HIPK3: variants seen among roughly 807,000 people sequenced by gnomAD.
The protein encoded by HIPK3 is homeodomain interacting protein kinase 3.
In HIPK3, 47 loss-of-function variants were observed where a neutral mutation model predicts 124.2. That is an observed-to-expected ratio of 0.38 (90% CI 0.30 to 0.48). The LOEUF is 0.48. HIPK3 is among the 20% of genes least tolerant of loss of function. HIPK3 has a pLI of 0.98. For missense variants in HIPK3, 1,286 were observed against 1,454.3 expected (o/e 0.88, Z 1.88); for synonymous variants, 482 against 515.2 (o/e 0.94, Z 0.87).
At chr11:33,288,614 C>T (rs1158180670) in intron 2 of HIPK3, among the ~76,000 whole-genome samples, 1 of 151,928 alleles carries the variant, frequency 6.6e-6, no homozygotes, top group Non-Finnish European at 1.5e-5. Flanking sequence ...AAAATAATGC[C>T]CATGTAAGTA....
At chr11:33,265,404 T>G (rs371512214) in intron 1 of HIPK3, among the ~76,000 whole-genome samples, 10 of 152,356 alleles carry the variant, frequency 6.6e-5, no homozygotes, top group Middle Eastern at 3.4e-3. Flanking sequence ...TTTTTGTAGC[T>G]GATCACAGAC....
At chr11:33,322,505 A>G (rs1271350903) in intron 2 of HIPK3, among the ~76,000 whole-genome samples, 1 of 152,218 alleles carries the variant, frequency 6.6e-6, no homozygotes. Flanking sequence ...GCACTGGACA[A>G]AGTAGGAAGA....
In HIPK3 at chr11:33,341,660, T is replaced by G; in HGVS notation, c.1871T>G (p.Leu624Trp). The G allele has an allele frequency of 6.2e-7, 1 of 1,613,436 alleles. No homozygotes were observed. Among genetic ancestry groups the G allele is most frequent in the Non-Finnish European group, 8.5e-7 (1 of 1,179,596 alleles). Residue 624 changes from leucine (L) to tryptophan (W), a missense_variant, in exon 8 of 17, where the codon TTG becomes TGG. Leu to Trp is a moderately conservative substitution (Grantham distance 61). Around this residue, in one of 3 missense-constraint regions of HIPK3, gnomAD observed 810 missense variants for 864.9 expected, o/e 0.94. Transcript: ENST00000303296. ...TGTGGTGATGCTTTTCAGCAGACAT[T>G]GATTATCTGTCCCCCAGCTATTCAA... ...FGCGDAFQQT[L>W]IICPPAIQGI... is the part of the protein sequence containing the mutation.
intron 1 of HIPK3, among the ~76,000 whole-genome samples, chr11:33,279,324 C>CAAAAAAAA (rs869091127): frequency 2.6e-5 from 2 of 77,528 alleles, no homozygotes; most frequent in South Asian, 4.8e-4. Context: ...CTCTTTGTCT[C>CAAAAAAAA]AAAAAAAAAA....
At chr11:33,257,181 G>A (rs1231223266), upstream of HIPK3, 3 of 945,544 alleles carry the variant, frequency 3.2e-6, no homozygotes, top group African/African-American at 5.3e-5. Context: ...GCACGGGCTG[G>A]CAGGCGGGCT....
At chr11:33,331,128 C>G (rs545807311) in intron 3 of HIPK3, among the ~76,000 whole-genome samples, 1 of 152,090 alleles carries the variant, frequency 6.6e-6, no homozygotes, top group Non-Finnish European at 1.5e-5. Flanking sequence ...AATGATCCAC[C>G]CACCTTGGCC....
chr11:33,347,263 C>G, intron 8 of HIPK3, 30 bp from the exon 9 acceptor site: 8 of 1,576,204 alleles, frequency 5.1e-6, no homozygotes, highest in Non-Finnish European at 6.9e-6. Context: ...AAGATTTTTT[C>G]TTTTATTTGA....
intron 1 of HIPK3, among the ~76,000 whole-genome samples, chr11:33,265,980 A>T (rs1850949417): frequency 6.9e-6 from 1 of 144,256 alleles, no homozygotes. Context: ...GCTACTCGGG[A>T]GGCTGAGGCA....
At chr11:33,268,964 C>T (rs548961720) in intron 1 of HIPK3, among the ~76,000 whole-genome samples, 2 of 152,128 alleles carry the variant, frequency 1.3e-5, no homozygotes, top group Non-Finnish European at 2.9e-5. Flanking sequence ...AATATGAAAT[C>T]GTATCTGAAC....
At chr11:33,294,585 T>C (rs1851789936) in intron 2 of HIPK3, among the ~76,000 whole-genome samples, 1 of 151,754 alleles carries the variant, frequency 6.6e-6, no homozygotes, top group Admixed American at 6.6e-5. Context: ...TATTATTGAT[T>C]TGATGAACTG....
At chr11:33,272,261 T>C (rs1186920079) in intron 1 of HIPK3, among the ~76,000 whole-genome samples, 2 of 152,002 alleles carry the variant, frequency 1.3e-5, no homozygotes, top group African/African-American at 4.8e-5. Context: ...TAGCTGGGCG[T>C]GGTGGCAGGT....
intron 1 of HIPK3, among the ~76,000 whole-genome samples, chr11:33,272,447 G>A (rs1158971128): frequency 1.3e-5 from 2 of 151,794 alleles, no homozygotes; most frequent in Admixed American, 6.6e-5. Context: ...TGTGGGTACT[G>A]TCTTGAGAAG....
At chr11:33,288,316 G>A (rs796288952) in intron 2 of HIPK3, among the ~76,000 whole-genome samples, 32 of 152,198 alleles carry the variant, frequency 2.1e-4, no homozygotes, top group African/African-American at 7.5e-4. Flanking sequence ...TTAGCTGGGT[G>A]TGGTGGTGGG....
upstream of HIPK3, among the ~76,000 whole-genome samples, chr11:33,257,033 T>C (rs564505251): frequency 5.3e-5 from 8 of 152,326 alleles, no homozygotes; most frequent in African/African-American, 1.9e-4. Context: ...CTTCATCCTT[T>C]CTTCGGGTAT....
rs535870074 is a variant in HIPK3 at position 33,281,885 on chromosome 11, A to G, written c.-2-4528A>G. ...GTTATTTACAGTATTAGGTTGCTTT[A>G]CACAGTGCTGCAGTGAATATTCTTT... On this transcript the variant is annotated intron_variant, in intron 1 of 16. Transcript: ENST00000303296. 2.0e-5 allele frequency among the ~76,000 whole-genome samples: 3 copies of G among 152,306 alleles called. No individual in the cohort carries two copies. In the South Asian group the frequency reaches 6.2e-4, roughly 32 times the overall value.
chr11:33,300,807 T>G (rs1851977185), intron 2 of HIPK3, among the ~76,000 whole-genome samples: 1 of 152,144 alleles, frequency 6.6e-6, no homozygotes, highest in African/African-American at 2.4e-5. Context: ...TGATCTTGGC[T>G]TACTGCAACC....
At chr11:33,321,843 T>C (rs956934535) in intron 2 of HIPK3, among the ~76,000 whole-genome samples, 1 of 152,092 alleles carries the variant, frequency 6.6e-6, no homozygotes, top group Admixed American at 6.6e-5. Flanking sequence ...CTTAGGTAAA[T>C]TACTCGCTAT....
intron 1 of HIPK3, among the ~76,000 whole-genome samples, chr11:33,279,280 A>G (rs1851349610): frequency 7.1e-6 from 1 of 141,808 alleles, no homozygotes; most frequent in Non-Finnish European, 1.5e-5. Flanking sequence ...ACGCTACTGC[A>G]CTCCAGCACT....
intron 1 of HIPK3, among the ~76,000 whole-genome samples, chr11:33,284,848 G>A (rs144583483): frequency 4.1e-4 from 62 of 152,272 alleles, no homozygotes; most frequent in Non-Finnish European, 7.8e-4. Flanking sequence ...TGGTTTTGAC[G>A]TACACGTTTA....
Sources: gnomAD v4.1 joint callset for allele counts (sites outside exome capture counted in the v4.1 genomes callset) on GRCh38, gnomAD v4.1.1 for gene constraint, gnomAD v4.1.1 regional missense constraint, MANE v1.5 for transcripts, NCBI Gene and HGNC (gene_info 2026-07-23, HGNC 2026-07-21) for gene names.